Variants in AGMO observed in about 807,000 individuals in gnomAD.
AGMO encodes the protein glyceryl-ether monooxygenase.
AGMO carries 75 observed loss-of-function variants against 60.2 expected under a neutral mutation model. The observed-to-expected ratio is 1.25, with a 90% confidence interval of 1.03 to 1.51. AGMO has a LOEUF of 1.51. AGMO is among the 40% of genes most tolerant of loss of function. The pLI is 0.00. For synonymous variants in AGMO, 261 were observed against 177.1 expected (o/e 1.47, Z -3.76); for missense variants, 763 against 525.5 (o/e 1.45, Z -4.42).
chr7:15,548,684 G>A (rs1166876613), intron 2 of AGMO, among the ~76,000 whole-genome samples: 4 of 152,142 alleles, frequency 2.6e-5, no homozygotes, highest in South Asian at 2.1e-4. Flanking sequence ...CCAAATCTAC[G>A]TCTGATTGGT....
chr7:15,357,211 G>GTT (rs1468477661), intron 12 of AGMO, among the ~76,000 whole-genome samples: 10 of 151,322 alleles, frequency 6.6e-5, no homozygotes, highest in Admixed American at 2.6e-4. Flanking sequence ...GTGTGTGTGT[G>GTT]TGTGTGTGTG....
At chr7:15,382,325 A>C (rs1419654013) in intron 10 of AGMO, among the ~76,000 whole-genome samples, 1 of 152,058 alleles carries the variant, frequency 6.6e-6, no homozygotes, top group Non-Finnish European at 1.5e-5. Context: ...TACTGTGCTG[A>C]TTTTGTCCAG....
At chr7:15,350,360 A>T (rs1362724788) in intron 12 of AGMO, among the ~76,000 whole-genome samples, 1 of 152,210 alleles carries the variant, frequency 6.6e-6, no homozygotes, top group Non-Finnish European at 1.5e-5. Flanking sequence ...TGTATAAAAA[A>T]TCCACATTAG....
the AGMO span, among the ~76,000 whole-genome samples, chr7:15,134,193 G>C: frequency 3.3e-5 from 5 of 151,932 alleles, no homozygotes; most frequent in Non-Finnish European, 7.4e-5. Context: ...AGACAGGTCT[G>C]GCTCTCTCAC....
intron 5 of AGMO, among the ~76,000 whole-genome samples, 196 bp downstream of exon 5, chr7:15,418,362 A>T (rs1441201737): frequency 6.6e-6 from 1 of 152,024 alleles, no homozygotes; most frequent in Non-Finnish European, 1.5e-5. Context: ...TTTAATTGAG[A>T]CCAACTGGCC....
chr7:15,351,653 T>G (rs1272318238), intron 12 of AGMO, among the ~76,000 whole-genome samples: 1 of 152,198 alleles, frequency 6.6e-6, no homozygotes, highest in African/African-American at 2.4e-5. Flanking sequence ...GCTTTTCAAT[T>G]TGGCTTTAGG....
the AGMO span, among the ~76,000 whole-genome samples, chr7:15,178,636 A>G: frequency 1.3e-3 from 198 of 152,238 alleles, no homozygotes; most frequent in Middle Eastern, 6.8e-3. Flanking sequence ...TACTTGGTAC[A>G]TAAGTGCAGC....
At chr7:15,524,280 G>T (rs973874505) in intron 3 of AGMO, among the ~76,000 whole-genome samples, 4 of 151,842 alleles carry the variant, frequency 2.6e-5, no homozygotes, top group Non-Finnish European at 5.9e-5. Flanking sequence ...GGAGGAACAG[G>T]AAGAATATGC....
Position 15,504,812 on chromosome 7 carries a change from T to C in AGMO, c.409+39960A>G, listed in dbSNP as rs766887738. ...AAAAAAGGGTTAAGGGAAAACATCC[T>C]GTCATGAGTCCTAGAAGAATGTCCC... On this transcript the variant is annotated intron_variant, in intron 3 of 12. Transcript: ENST00000342526. Among the ~76,000 whole-genome samples the C allele has an allele frequency of 2.6e-5, 4 of 151,690 alleles. No homozygotes were observed. In the South Asian group the frequency reaches 8.3e-4, roughly 31 times the overall value.
intron 3 of AGMO, among the ~76,000 whole-genome samples, chr7:15,501,288 T>A (rs1400683344): frequency 6.6e-6 from 1 of 151,932 alleles, no homozygotes; most frequent in African/African-American, 2.4e-5. Flanking sequence ...AGGGTGGCAA[T>A]TAAAAAGTAA....
intron 12 of AGMO, among the ~76,000 whole-genome samples, chr7:15,311,176 A>T (rs545110499): frequency 2.0e-5 from 3 of 152,212 alleles, no homozygotes; most frequent in African/African-American, 7.2e-5. Flanking sequence ...CAAAAATGCT[A>T]GATTAAAAAA....
chr7:15,479,436 C>T (rs1365411055), intron 3 of AGMO, among the ~76,000 whole-genome samples: 1 of 152,122 alleles, frequency 6.6e-6, no homozygotes, highest in Non-Finnish European at 1.5e-5. Flanking sequence ...GCCTTAAGGT[C>T]GTAAGACTAG....
In AGMO at chr7:15,433,889, A is replaced by G. The variant is rs1781326291; in HGVS notation, c.410-2781T>C. 2.0e-5 allele frequency among the ~76,000 whole-genome samples: 3 copies of G among 151,944 alleles called. No homozygotes were observed. In the South Asian group the frequency reaches 6.2e-4, roughly 31 times the overall value. On this transcript the variant is annotated intron_variant, in intron 3 of 12. Coordinates refer to ENST00000342526, the MANE Select transcript of AGMO (RefSeq NM_001004320.2). ...AATATATTGGCCAACACTTCCATTCATTTGGCCAACATTTTATGTAATGTG... is the reference window on the plus strand; with the variant it reads ...AATATATTGGCCAACACTTCCATTCGTTTGGCCAACATTTTATGTAATGTG...
chr7:15,159,727 TCAA>T, the AGMO span, among the ~76,000 whole-genome samples: 1 of 152,126 alleles, frequency 6.6e-6, no homozygotes, highest in African/African-American at 2.4e-5. Context: ...TCCAGTTGCT[TCAA>T]CTTTGCTAAT....
chr7:15,178,694 T>C, the AGMO span, among the ~76,000 whole-genome samples: 2 of 152,312 alleles, frequency 1.3e-5, no homozygotes, highest in South Asian at 2.1e-4. Context: ...AGGACTGTTA[T>C]GTAACATTTT....
chr7:15,188,424 T>A, the AGMO span, among the ~76,000 whole-genome samples: 1 of 152,214 alleles, frequency 6.6e-6, no homozygotes, highest in Non-Finnish European at 1.5e-5. Context: ...TCCATTATTA[T>A]ACTTACAATA....
At chr7:15,472,587 G>A (rs544331804) in intron 3 of AGMO, among the ~76,000 whole-genome samples, 8 of 151,894 alleles carry the variant, frequency 5.3e-5, no homozygotes, top group South Asian at 4.1e-4. Context: ...ACACACAGAC[G>A]TGCTGTAAAA....
intron 5 of AGMO, among the ~76,000 whole-genome samples, chr7:15,414,188 A>G (rs1207744281): frequency 6.6e-6 from 1 of 151,764 alleles, no homozygotes; most frequent in East Asian, 1.9e-4. Flanking sequence ...CTTTGTAGAG[A>G]TGGGGTTTCA....
intron 12 of AGMO, among the ~76,000 whole-genome samples, chr7:15,301,462 G>T (rs1784557460): frequency 6.6e-6 from 1 of 151,826 alleles, no homozygotes; most frequent in Non-Finnish European, 1.5e-5. Context: ...GAAAGCAAAT[G>T]CTGAATATGT....
Sources: allele counts gnomAD v4.1 joint callset (sites outside exome capture counted in the v4.1 genomes callset), GRCh38; gene constraint gnomAD v4.1.1; transcripts MANE v1.5; gene names NCBI Gene and HGNC (gene_info 2026-07-23, HGNC 2026-07-21).